Variants in ADCY9 observed in about 807,000 individuals in gnomAD.
ADCY9 encodes adenylate cyclase 9.
ADCY9 carries 50 observed loss-of-function variants against 101.5 expected under a neutral mutation model. The observed-to-expected ratio is 0.49, with a 90% CI of 0.39 to 0.62. The LOEUF (loss-of-function observed/expected upper bound fraction) is 0.62, where lower values mean the gene tolerates loss of function less well. ADCY9 is among the 20% of genes least tolerant of loss of function. The pLI, the probability that ADCY9 is intolerant of heterozygous loss-of-function variation, is 0.00. For synonymous variants in ADCY9, 905 were observed against 769.3 expected, an observed-to-expected ratio of 1.18 and a Z score of -2.92; for missense variants, 1,662 against 1,800.4, an observed-to-expected ratio of 0.92 and a Z score of 1.39.
intron 2 of ADCY9, among the ~76,000 whole-genome samples, chr16:4,013,209 T>C (rs146468688): frequency 1.7e-3 from 256 of 151,584 alleles, no homozygotes; most frequent in African/African-American, 5.5e-3. Context: ...GAGTGCGCCG[T>C]TGCACTCCAG....
At position 4,007,430 on chromosome 16, in the gene ADCY9, T is replaced by A. The variant is rs1435663987; in HGVS notation, c.1822A>T (p.Thr608Ser). ...TCACTGACATTCCCTGATGACGCTG[T>A]CCCCTGTCCCCTAGGGCCTGAGGAC... Reference protein sequence around the residue: ...QVSSGPRGQGTASSGNVSDLA... With the variant: ...QVSSGPRGQGSASSGNVSDLA... Residue 608 changes from threonine (T) to serine (S), a missense_variant, in exon 3 of 11, where the codon ACA (threonine) becomes TCA (serine). Physicochemically the swap from Thr to Ser is moderately conservative, Grantham distance 58 (BLOSUM62 1). Around this residue, in one of 5 missense-constraint regions of ADCY9, gnomAD observed 624 missense variants for 639.1 expected, o/e 0.98. Transcript: ENST00000294016. 6.2e-7 allele frequency: 1 copy of A among 1,612,682 alleles called. No individual in the cohort carries two copies. The highest frequency in any genetic ancestry group is 1.1e-5 in the South Asian group (1 of 90,856).
chr16:4,097,553 A>ATATATATT lies in ADCY9; in HGVS notation c.1693+16196_1693+16197insAATATATA, dbSNP rs1382458827. On this transcript the variant is annotated intron_variant, in intron 2 of 10. Transcript: ENST00000294016. Reference sequence around the variant, plus strand: ...CATATATATATATATATATATATATATTTTTTTTTTTTTTTTTTAAGACAG... The same window carrying ATATATATT: ...CATATATATATATATATATATATATATATATATTTTTTTTTTTTTTTTTTTTAAGACAG... 6.8e-3 allele frequency among the ~76,000 whole-genome samples: 361 copies of ATATATATT among 53,390 alleles called. 21 individuals are homozygous for ATATATATT. Among genetic ancestry groups the ATATATATT allele is most frequent in the East Asian group, 0.023 (30 of 1,314 alleles). 35.0% of individuals were successfully genotyped at this position (53,390 alleles called of 152,430 possible). A position where few individuals can be genotyped will look rare whatever the true frequency, so the allele number is the denominator to read the frequency against.
At position 3,965,208 on chromosome 16, in the gene ADCY9, C is replaced by T. The variant is rs1214536254; in HGVS notation, c.*567G>A. On this transcript the variant is annotated 3_prime_UTR_variant, in exon 11 of 11. Coordinates refer to ENST00000294016, the MANE Select transcript of ADCY9 (RefSeq NM_001116.4). ...GGGGTGGCGGAGCTGTCGTGACATG[C>T]CCCCTTCGCACCCCCTCTTGGCGGA... 1.3e-5 allele frequency: 2 copies of T among 157,914 alleles called. No individual in the cohort carries two copies. The highest frequency in any genetic ancestry group is 2.8e-5 in the Non-Finnish European group (2 of 71,502). The allele number at this position is 157,914 out of a possible 1,614,324, so 9.8% of individuals were successfully genotyped here. A position where few individuals can be genotyped will look rare whatever the true frequency, so the allele number is the denominator to read the frequency against.
Position 4,080,392 on chromosome 16 carries a change from C to T in ADCY9, c.1693+33358G>A, listed in dbSNP as rs139642835. Among the ~76,000 whole-genome samples, 897 of 152,108 alleles carry T rather than the reference C, an allele frequency of 5.9e-3. 10 individuals are homozygous for T. The highest frequency in any genetic ancestry group is 0.02 in the African/African-American group (839 of 41,460). Reference sequence around the variant, plus strand: ...CCGAGTAGCTGAGACTACAGGCGTGCGCCACCACACCCGATTAATTTTTGT... The same window carrying T: ...CCGAGTAGCTGAGACTACAGGCGTGTGCCACCACACCCGATTAATTTTTGT... On this transcript the variant is annotated intron_variant, in intron 2 of 10. Transcript: ENST00000294016.
At chr16:4,060,925 A>G (rs1382292966) in intron 2 of ADCY9, among the ~76,000 whole-genome samples, 1 of 152,210 alleles carries the variant, frequency 6.6e-6, no homozygotes, top group East Asian at 1.9e-4. Context: ...AGTTATAAGA[A>G]ACTACTGTAA....
intron 2 of ADCY9, among the ~76,000 whole-genome samples, chr16:4,049,848 T>C (rs1353831043): frequency 6.6e-6 from 1 of 152,074 alleles, no homozygotes; most frequent in Non-Finnish European, 1.5e-5. Context: ...GGCAACAAGG[T>C]AAGACCGACC....
intron 5 of ADCY9, among the ~76,000 whole-genome samples, chr16:3,953,770 C>G (rs967207489): frequency 9.2e-5 from 14 of 152,200 alleles, no homozygotes; most frequent in African/African-American, 2.9e-4. Context: ...AAGTCAGAAG[C>G]CTGCTTGAAC....
At chr16:4,067,382 G>C (rs1323907292) in intron 2 of ADCY9, among the ~76,000 whole-genome samples, 1 of 152,136 alleles carries the variant, frequency 6.6e-6, no homozygotes, top group African/African-American at 2.4e-5. Flanking sequence ...CTGCTTCTGA[G>C]TTGGCTGAGC....
Position 4,052,825 on chromosome 16 carries a change from T to C in ADCY9, c.1694-45267A>G, listed in dbSNP as rs114839787. On this transcript the variant is annotated intron_variant, in intron 2 of 10. Coordinates refer to ENST00000294016, the MANE Select transcript of ADCY9 (RefSeq NM_001116.4). ...AATCTGACCTACCATGTTAACTTAGTAAGGCAAACTGCTGGGGCGGGGTCC... is the reference window on the plus strand; with the variant it reads ...AATCTGACCTACCATGTTAACTTAGCAAGGCAAACTGCTGGGGCGGGGTCC... Among the ~76,000 whole-genome samples, 1,431 of 152,306 alleles carry C rather than the reference T, an allele frequency of 9.4e-3. 24 individuals carry two copies. The highest frequency in any genetic ancestry group is 0.032 in the African/African-American group (1,323 of 41,550).
At chr16:4,111,199 C>T (rs1019920742) in intron 2 of ADCY9, among the ~76,000 whole-genome samples, 5 of 152,158 alleles carry the variant, frequency 3.3e-5, no homozygotes, top group African/African-American at 4.8e-5. Flanking sequence ...CCTGCAGGGC[C>T]GCTACTGGCT....
intron 2 of ADCY9, among the ~76,000 whole-genome samples, chr16:4,085,179 T>C (rs2056929766): frequency 6.6e-6 from 1 of 152,076 alleles, no homozygotes; most frequent in Admixed American, 6.5e-5. Flanking sequence ...CTGGCCAACA[T>C]GGCCAAACCC....
intron 7 of ADCY9, among the ~76,000 whole-genome samples, chr16:3,980,225 C>T (rs1157165861): frequency 6.6e-6 from 1 of 152,220 alleles, no homozygotes; most frequent in African/African-American, 2.4e-5. Flanking sequence ...TATTCACTGA[C>T]TCCTTTTGCA....
chr16:4,021,064 GA>G (rs371413348), intron 2 of ADCY9, among the ~76,000 whole-genome samples: 104 of 152,238 alleles, frequency 6.8e-4, no homozygotes, highest in African/African-American at 2.5e-3. Context: ...ATATTTAGAA[GA>G]TACACCATAT....
At chr16:4,097,551 A>T (rs867668158) in intron 2 of ADCY9, among the ~76,000 whole-genome samples, 6,418 of 50,534 alleles carry the variant, frequency 0.13, 418 homozygotes, top group African/African-American at 0.16. Context: ...ATATATATAT[A>T]TATTTTTTTT....
At chr16:4,015,630 G>A (rs1337187417) in intron 2 of ADCY9, 1 of 152,184 alleles carries the variant, frequency 6.6e-6, no homozygotes. Flanking sequence ...AGCCACCTAG[G>A]TGACTTTCAC....
chr16:4,086,543 A>G (rs965902832), intron 2 of ADCY9, among the ~76,000 whole-genome samples: 12 of 152,144 alleles, frequency 7.9e-5, no homozygotes, highest in African/African-American at 2.9e-4. Context: ...AAGTTGACAC[A>G]GAATCATGAA....
intron 4 of ADCY9, among the ~76,000 whole-genome samples, chr16:3,993,104 C>G (rs924654481): frequency 3.3e-5 from 5 of 152,150 alleles, no homozygotes; most frequent in African/African-American, 1.2e-4. Flanking sequence ...TAAACTGAGT[C>G]CAGCTTCCAG....
chr16:4,069,185 C>T (rs1049167367), intron 2 of ADCY9, among the ~76,000 whole-genome samples: 3 of 152,110 alleles, frequency 2.0e-5, no homozygotes, highest in African/African-American at 7.2e-5. Context: ...CCTCTCACCA[C>T]CAACAACTAG....
Position 4,091,272 on chromosome 16 carries a change from C to A in ADCY9, c.1693+22478G>T, listed in dbSNP as rs1597219915. 2.6e-5 allele frequency among the ~76,000 whole-genome samples: 4 copies of A among 152,180 alleles called. No homozygotes were observed. The East Asian group carries it at 7.7e-4, about 29-fold the overall frequency. On this transcript the variant is annotated intron_variant, in intron 2 of 10. Transcript: ENST00000294016. ...TATTTTTAGTAGACACGGGGTTTCA[C>A]CCTGTTGGCCAGGCTGGTCTCGAAC...
Sources: allele counts gnomAD v4.1 joint callset (sites outside exome capture counted in the v4.1 genomes callset), GRCh38; gene constraint gnomAD v4.1.1; regional missense constraint gnomAD v4.1.1; transcripts MANE v1.5; gene names NCBI Gene and HGNC (gene_info 2026-07-23, HGNC 2026-07-21).